Variants in ACP1 observed in about 807,000 individuals in gnomAD.
ACP1 encodes low molecular weight phosphotyrosine protein phosphatase.
ACP1 carries 23 observed loss-of-function variants against 23.4 expected under a neutral mutation model. The observed-to-expected ratio is 0.98, with a 90% CI of 0.71 to 1.39. The LOEUF (loss-of-function observed/expected upper bound fraction) is 1.39. Among genes scored for constraint, ACP1 ranks in the 40% most tolerant of loss-of-function variants. ACP1 has a pLI of 0.00. For missense variants in ACP1, 180 were observed against 197.7 expected (o/e 0.91, Z 0.54); for synonymous variants, 72 against 67.2 (o/e 1.07, Z -0.35).
rs771602723 is a variant in ACP1 at position 264,958 on chromosome 2, C to T, written c.-7C>T. ...CGCGGTGTCTCGGCGCCTCTGCGCG[C>T]GGGAAGATGGCGGAACAGGCTACCA... On this transcript the variant is annotated 5_prime_UTR_variant, in exon 1 of 6. Coordinates refer to ENST00000272065, the MANE Select transcript of ACP1 (RefSeq NM_004300.4). The T allele has an allele frequency of 2.4e-5, 38 of 1,612,148 alleles. No homozygotes were observed. The Admixed American group carries it at 2.7e-4, about 11-fold the overall frequency.
intron 1 of ACP1, chr2:265,312 T>G: frequency 1.7e-5 from 6 of 347,256 alleles, no homozygotes; most frequent in East Asian, 5.7e-5. Flanking sequence ...ATCCCTCTCG[T>G]TCCCCTCCAA....
chr2:266,320 A>G (rs993351930), intron 1 of ACP1: 4 of 152,242 alleles, frequency 2.6e-5, no homozygotes, highest in African/African-American at 4.8e-5. Flanking sequence ...AGTGGGCATC[A>G]TTTGATTTTT....
At position 277,311 on chromosome 2, in the gene ACP1, T is replaced by C. The variant is rs1350372316; in HGVS notation, c.*7T>C. On this transcript the variant is annotated 3_prime_UTR_variant, in exon 6 of 6. Coordinates refer to ENST00000272065, the MANE Select transcript of ACP1 (RefSeq NM_004300.4). Reference sequence around the variant, plus strand: ...CTTGGAGAAGGCCCACTGAGGCAGGTTCGTGCCCTGCTGCGGCCAGCCTGA... The same window carrying C: ...CTTGGAGAAGGCCCACTGAGGCAGGCTCGTGCCCTGCTGCGGCCAGCCTGA... The C allele has an allele frequency of 6.2e-7, 1 of 1,612,276 alleles. No individual in the cohort carries two copies. Among genetic ancestry groups the C allele is most frequent in the Admixed American group, 1.7e-5 (1 of 60,022 alleles).
intron 3 of ACP1, among the ~76,000 whole-genome samples, chr2:273,773 TAA>T (rs1484070152): frequency 7.9e-5 from 12 of 152,248 alleles, no homozygotes; most frequent in African/African-American, 2.7e-4. Context: ...TAACAGTTAC[TAA>T]GTCTTTTTTT....
intron 3 of ACP1, among the ~76,000 whole-genome samples, chr2:273,794 T>C (rs1000602361): frequency 1.3e-5 from 2 of 152,138 alleles, no homozygotes; most frequent in South Asian, 4.1e-4. Context: ...TTATGAAAAA[T>C]TTACAATTAG....
rs753929803 is a variant in ACP1, at chr2:271,952, C to T, written c.117+13C>T. The stretch of plus-strand genomic sequence containing the variant: ...CATCTCAGAGAATGTAAGTACCATT[C>T]ATTATCTTAAAGAGGCCAACCTGAA... On this transcript the variant is annotated intron_variant, in intron 2 of 5. Coordinates refer to ENST00000272065, the MANE Select transcript of ACP1 (RefSeq NM_004300.4). 6.2e-7 allele frequency: 1 copy of T among 1,601,628 alleles called. No individual in the cohort carries two copies. Among genetic ancestry groups the T allele is most frequent in the Non-Finnish European group, 8.5e-7 (1 of 1,170,774 alleles).
chr2:271,381 C>T (rs1670027078), intron 1 of ACP1, among the ~76,000 whole-genome samples: 1 of 152,100 alleles, frequency 6.6e-6, no homozygotes, highest in Non-Finnish European at 1.5e-5. Context: ...TCCACATTCT[C>T]AGGGGCCAAC....
At chr2:265,358 G>T in intron 1 of ACP1, 1 of 254,838 alleles carries the variant, frequency 3.9e-6, no homozygotes, top group Non-Finnish European at 7.5e-6. Flanking sequence ...TCGGACTGAT[G>T]TGGTCTCTTA....
intron 3 of ACP1, 24 bp downstream of exon 3, chr2:272,174 G>A: frequency 6.2e-7 from 1 of 1,614,152 alleles, no homozygotes; most frequent in Non-Finnish European, 8.5e-7. Flanking sequence ...ACTTGAAGTT[G>A]TGTGTTTTGT....
In ACP1 at chr2:277,085, T is replaced by C. The variant is rs903605342; in HGVS notation, c.399T>C (p.Tyr133=). Residue 133 remains tyrosine, a splice_region_variant and synonymous_variant, in exon 5 of 6, where the codon TAT becomes TAC. Coordinates refer to ENST00000272065, the MANE Select transcript of ACP1 (RefSeq NM_004300.4). ...AACTTATTATTGAAGATCCCTATTATGTAAGTACAGTTCACGTTTTAGGGC... is the reference window on the plus strand; with the variant it reads ...AACTTATTATTGAAGATCCCTATTACGTAAGTACAGTTCACGTTTTAGGGC... The part of the protein sequence containing the change: ...QKQLIIEDPY[Y]GNDSDFETVY... 1.9e-6 allele frequency: 3 copies of C among 1,607,586 alleles called. No homozygotes were observed. Among genetic ancestry groups the C allele is most frequent in the Admixed American group, 3.3e-5 (2 of 59,970 alleles).
rs571783902 is a variant in ACP1, at chr2:271,190, AGTAGTC to A, written c.44-675_44-670del. Reference sequence around the variant, plus strand: ...GTGTTTGTGTATTGTTTTGTGAAACAGTAGTCATCCTTATGTGTGATATACTTGAAA... The same window carrying A: ...GTGTTTGTGTATTGTTTTGTGAAACAATCCTTATGTGTGATATACTTGAAA... On this transcript the variant is annotated intron_variant, in intron 1 of 5. Coordinates refer to ENST00000272065, the MANE Select transcript of ACP1 (RefSeq NM_004300.4). Among the ~76,000 whole-genome samples the A allele has an allele frequency of 5.2e-3, 799 of 152,378 alleles. 8 individuals carry two copies. Among genetic ancestry groups the A allele is most frequent in the African/African-American group, 0.018 (760 of 41,598 alleles).
rs554598614 is a variant in ACP1, at chr2:271,556, AC to A, written c.44-309del. On this transcript the variant is annotated intron_variant, in intron 1 of 5. Transcript: ENST00000272065. ...GCAACCCACTTCATTTTCGTGATTC[AC>A]TCCTGGATCATTAGTAGCAACTCTT... Among the ~76,000 whole-genome samples the A allele has an allele frequency of 2.6e-3, 394 of 151,894 alleles. 14 individuals are homozygous for A. The South Asian group carries it at 0.079, about 30-fold the overall frequency.
In ACP1 at chr2:277,753, G is replaced by A. The variant is rs1474143115; in HGVS notation, c.*449G>A. 1.6e-5 allele frequency: 3 copies of A among 192,128 alleles called. No individual in the cohort carries two copies. Among genetic ancestry groups the A allele is most frequent in the Admixed American group, 5.3e-5 (1 of 18,828 alleles). 11.9% of individuals were successfully genotyped at this position (192,128 alleles called of 1,614,324 possible). ...ACCTCTCTCTTCCCTAGGGCCTTTT[G>A]TGGATTGACAGTAGTCCCCTCCGTA... On this transcript the variant is annotated 3_prime_UTR_variant, in exon 6 of 6. Coordinates refer to ENST00000272065, the MANE Select transcript of ACP1 (RefSeq NM_004300.4).
Position 271,468 on chromosome 2 carries a change from T to C in ACP1, c.44-398T>C, listed in dbSNP as rs1464887790. Among the ~76,000 whole-genome samples the C allele has an allele frequency of 2.0e-5, 3 of 152,210 alleles. No individual in the cohort carries two copies. The East Asian group carries it at 5.8e-4, about 29-fold the overall frequency. ...GTCCTGAACCAGCTCCTGAGTCTACTGAGGGACAGACCACTGTATTTTATT... is the reference window on the plus strand; with the variant it reads ...GTCCTGAACCAGCTCCTGAGTCTACCGAGGGACAGACCACTGTATTTTATT... On this transcript the variant is annotated intron_variant, in intron 1 of 5. Coordinates refer to ENST00000272065, the MANE Select transcript of ACP1 (RefSeq NM_004300.4).
At chr2:266,988 A>G (rs1384133456) in intron 1 of ACP1, among the ~76,000 whole-genome samples, 2 of 152,188 alleles carry the variant, frequency 1.3e-5, no homozygotes, top group South Asian at 2.1e-4. Context: ...GCTAGAGGGC[A>G]ATAGGTGGAT....
chr2:277,270 G>C lies in ACP1; in HGVS notation c.443G>C (p.Arg148Thr), dbSNP rs980626999. ...GAGACGGTGTACCAGCAGTGTGTCA[G>C]GTGCTGCAGAGCGTTCTTGGAGAAG... is the stretch of plus-strand genomic sequence containing the variant. ...DFETVYQQCV[R>T]CCRAFLEKAH Residue 148 changes from arginine (R) to threonine (T), a missense_variant, in exon 6 of 6, where the codon AGG (arginine) becomes ACG (threonine). Arg to Thr is a moderately conservative substitution (Grantham distance 71, BLOSUM62 -1). Coordinates refer to ENST00000272065, the MANE Select transcript of ACP1 (RefSeq NM_004300.4). The C allele has an allele frequency of 6.2e-7, 1 of 1,613,232 alleles. No homozygotes were observed. The highest frequency in any genetic ancestry group is 8.5e-7 in the Non-Finnish European group (1 of 1,180,044).
At chr2:275,086 C>A in intron 3 of ACP1, 54 bp from the exon 4 acceptor site, 1 of 861,878 alleles carries the variant, frequency 1.2e-6, no homozygotes, top group Non-Finnish European at 1.7e-6. Flanking sequence ...TGCTTTGCAT[C>A]CTCTAGGCTT....
intron 1 of ACP1, among the ~76,000 whole-genome samples, chr2:268,065 C>G (rs1669936734): frequency 6.6e-6 from 1 of 152,168 alleles, no homozygotes; most frequent in South Asian, 2.1e-4. Flanking sequence ...GTTTTAGGTC[C>G]AGATCTTGGG....
rs1670228755 is a variant in ACP1, at chr2:278,170, T to G, written c.*866T>G. 6.6e-6 allele frequency: 1 copy of G among 152,256 alleles called. No individual in the cohort carries two copies. The highest frequency in any genetic ancestry group is 1.5e-5 in the Non-Finnish European group (1 of 68,046). 9.4% of individuals were successfully genotyped at this position (152,256 alleles called of 1,614,324 possible). On this transcript the variant is annotated 3_prime_UTR_variant, in exon 6 of 6. Coordinates refer to ENST00000272065, the MANE Select transcript of ACP1 (RefSeq NM_004300.4). ...TGAATAAGTATTCTTCATCAGCATTTAATAAATGTATAGGCAGATGTAAGG... is the reference window on the plus strand; with the variant it reads ...TGAATAAGTATTCTTCATCAGCATTGAATAAATGTATAGGCAGATGTAAGG...
Sources: allele counts gnomAD v4.1 joint callset (sites outside exome capture counted in the v4.1 genomes callset), GRCh38; gene constraint gnomAD v4.1.1; transcripts MANE v1.5; gene names NCBI Gene and HGNC (gene_info 2026-07-23, HGNC 2026-07-21).